The following KCNN2 variants were observed in gnomAD, a reference collection of about 807,000 sequenced individuals.
KCNN2 encodes the protein potassium calcium-activated channel subfamily N member 2.
Under a neutral mutation model 55.5 loss-of-function variants are expected in KCNN2, and 24 were observed. The observed-to-expected ratio is 0.43, with a 90% confidence interval of 0.31 to 0.61. KCNN2 has a LOEUF of 0.61. Ranked by LOEUF, KCNN2 falls within the 20% of genes least tolerant of loss-of-function variation. KCNN2 has a pLI of 0.08. For missense variants in KCNN2, 754 were observed against 853.6 expected (o/e 0.88, Z 1.45); for synonymous variants, 431 against 336.1 (o/e 1.28, Z -3.09).
At chr5:114,387,575 GCTCATGTAT>G (rs1758323384) in intron 2 of KCNN2, among the ~76,000 whole-genome samples, 1 of 152,142 alleles carries the variant, frequency 6.6e-6, no homozygotes, top group Non-Finnish European at 1.5e-5. Flanking sequence ...TAGACTTTGG[GCTCATGTAT>G]CACATGCTTC....
chr5:114,284,914 A>G (rs1755704642), intron 2 of KCNN2, among the ~76,000 whole-genome samples: 1 of 152,094 alleles, frequency 6.6e-6, no homozygotes. Context: ...TCCAGCCTCT[A>G]GAGCTGTGAA....
chr5:114,439,918 A>C (rs78739053), intron 3 of KCNN2, among the ~76,000 whole-genome samples: 1 of 152,170 alleles, frequency 6.6e-6, no homozygotes, highest in Non-Finnish European at 1.5e-5. Flanking sequence ...TACTATGACA[A>C]GTTCAGAAAT....
chr5:114,215,148 T>C (rs1051978514), intron 1 of KCNN2, among the ~76,000 whole-genome samples: 12 of 152,124 alleles, frequency 7.9e-5, no homozygotes, highest in African/African-American at 2.9e-4. Flanking sequence ...AAGGACTTGG[T>C]TCACAGTTCG....
At chr5:114,427,511 G>A (rs895968560) in intron 3 of KCNN2, among the ~76,000 whole-genome samples, 5 of 152,126 alleles carry the variant, frequency 3.3e-5, no homozygotes, top group African/African-American at 1.2e-4. Context: ...TCCCACTCTT[G>A]TTTATTAGAG....
chr5:114,056,130 G>A, exon 1 of KCNN2: 1 of 380,980 alleles, frequency 2.6e-6, no homozygotes, highest in Non-Finnish European at 4.6e-6. Flanking sequence ...CGAAGCAGGG[G>A]CAGCCAGGTG....
intron 1 of KCNN2, among the ~76,000 whole-genome samples, chr5:114,164,630 G>T (rs2112535805): frequency 6.6e-6 from 1 of 152,186 alleles, no homozygotes; most frequent in South Asian, 2.1e-4. Context: ...TCCTAAGGAA[G>T]GGCCAGAATG....
intron 1 of KCNN2, among the ~76,000 whole-genome samples, chr5:114,205,105 G>A (rs1256771644): frequency 6.6e-6 from 1 of 151,674 alleles, no homozygotes; most frequent in Non-Finnish European, 1.5e-5. Flanking sequence ...AATTCAATAA[G>A]TCACTCCTGT....
At chr5:114,249,825 A>T (rs1421496483) in intron 2 of KCNN2, among the ~76,000 whole-genome samples, 5 of 152,138 alleles carry the variant, frequency 3.3e-5, no homozygotes, top group Non-Finnish European at 5.9e-5. Context: ...TCTTGCAAAA[A>T]TATCATCGAT....
At chr5:114,181,273 G>C (rs926881333) in intron 1 of KCNN2, among the ~76,000 whole-genome samples, 1 of 152,110 alleles carries the variant, frequency 6.6e-6, no homozygotes, top group Non-Finnish European at 1.5e-5. Context: ...GTTTGTTCTC[G>C]TGAGTCTTTA....
At chr5:114,323,182 G>C (rs994655767) in intron 2 of KCNN2, among the ~76,000 whole-genome samples, 11 of 152,192 alleles carry the variant, frequency 7.2e-5, no homozygotes, top group Non-Finnish European at 4.4e-5. Flanking sequence ...TAATTTCAAA[G>C]CTACCATAAA....
At chr5:114,099,539 C>T (rs942721006) in intron 1 of KCNN2, among the ~76,000 whole-genome samples, 2 of 152,116 alleles carry the variant, frequency 1.3e-5, no homozygotes, top group African/African-American at 4.8e-5. Context: ...TTCACAGGTG[C>T]AATCATAGCA....
At chr5:114,467,549 T>TATC (rs1761513785) in intron 4 of KCNN2, among the ~76,000 whole-genome samples, 1 of 152,138 alleles carries the variant, frequency 6.6e-6, no homozygotes, top group Non-Finnish European at 1.5e-5. Flanking sequence ...GAAGAGAGTA[T>TATC]ATCTTTAAGT....
At chr5:114,279,043 T>G (rs1183360261) in intron 2 of KCNN2, among the ~76,000 whole-genome samples, 1 of 152,086 alleles carries the variant, frequency 6.6e-6, no homozygotes, top group Non-Finnish European at 1.5e-5. Context: ...TTTATTGCAT[T>G]GGCCCAAACT....
chr5:114,219,697 C>A (rs183168641), intron 1 of KCNN2, among the ~76,000 whole-genome samples: 2 of 152,016 alleles, frequency 1.3e-5, no homozygotes, highest in African/African-American at 4.8e-5. Context: ...GTTCTCACTT[C>A]GGGCTGTGGT....
intron 5 of KCNN2, among the ~76,000 whole-genome samples, chr5:114,474,071 A>G (rs1222435778): frequency 6.6e-6 from 1 of 152,150 alleles, no homozygotes; most frequent in Admixed American, 6.5e-5. Context: ...ATAACAAAAT[A>G]CATTGTCAAC....
At chr5:114,072,209 TG>T (rs1750587297) in intron 1 of KCNN2, among the ~76,000 whole-genome samples, 1 of 151,834 alleles carries the variant, frequency 6.6e-6, no homozygotes, top group Non-Finnish European at 1.5e-5. Context: ...GAAGAATTGC[TG>T]GAACCCAGGA....
intron 2 of KCNN2, among the ~76,000 whole-genome samples, chr5:114,261,060 A>G (rs1755099313): frequency 6.6e-6 from 1 of 152,214 alleles, no homozygotes; most frequent in Non-Finnish European, 1.5e-5. Flanking sequence ...ACACTTCCAT[A>G]TAAACATGTG....
intron 3 of KCNN2, among the ~76,000 whole-genome samples, chr5:114,454,908 C>G (rs1760852389): frequency 6.6e-6 from 1 of 152,226 alleles, no homozygotes; most frequent in South Asian, 2.1e-4. Context: ...TGGGGGTACA[C>G]AGACCATTTA....
At chr5:114,347,394 A>G (rs1244457949) in intron 2 of KCNN2, among the ~76,000 whole-genome samples, 1 of 152,234 alleles carries the variant, frequency 6.6e-6, no homozygotes, top group Non-Finnish European at 1.5e-5. Context: ...GTACTCATCA[A>G]TTACATCAGA....
Sources: gnomAD v4.1 joint callset for allele counts (sites outside exome capture counted in the v4.1 genomes callset) on GRCh38, gnomAD v4.1.1 for gene constraint, MANE v1.5 for transcripts, NCBI Gene and HGNC (gene_info 2026-07-23, HGNC 2026-07-21) for gene names.